Variants in CARMIL1 observed in about 807,000 individuals in gnomAD.
The protein encoded by CARMIL1 is F-actin-uncapping protein LRRC16A.
In CARMIL1, 90 loss-of-function variants were observed where a neutral mutation model predicts 177.1. The ratio of observed to expected loss-of-function variants is 0.51; its 90% CI spans 0.43 to 0.61. The LOEUF (loss-of-function observed/expected upper bound fraction) is 0.61, where lower values mean the gene tolerates loss of function less well. Among genes scored for constraint, CARMIL1 ranks in the 20% least tolerant of loss-of-function variants. CARMIL1 has a pLI of 0.00. For missense variants in CARMIL1, 1,380 were observed against 1,667.0 expected, an observed-to-expected ratio of 0.83 and a Z score of 3.00; for synonymous variants, 577 against 606.2, an observed-to-expected ratio of 0.95 and a Z score of 0.71.
intron 17 of CARMIL1, among the ~76,000 whole-genome samples, chr6:25,501,360 G>A (rs1046414136): frequency 1.3e-5 from 2 of 152,080 alleles, no homozygotes; most frequent in African/African-American, 4.8e-5. Flanking sequence ...TCTCCTGCAT[G>A]CGTGCATCAG....
chr6:25,409,756 T>G (rs1794744483), intron 2 of CARMIL1, among the ~76,000 whole-genome samples: 1 of 152,206 alleles, frequency 6.6e-6, no homozygotes, highest in Admixed American at 6.5e-5. Context: ...ACCATGTATA[T>G]ACTGACATCA....
intron 26 of CARMIL1, among the ~76,000 whole-genome samples, chr6:25,542,041 A>G (rs915347272): frequency 6.6e-6 from 1 of 152,192 alleles, no homozygotes; most frequent in Non-Finnish European, 1.5e-5. Context: ...TCTTCTGTAA[A>G]TTGTGTATTC....
At chr6:25,306,903 A>T (rs1783318792) in intron 2 of CARMIL1, among the ~76,000 whole-genome samples, 1 of 113,716 alleles carries the variant, frequency 8.8e-6, no homozygotes. Flanking sequence ...TTTTTTGACG[A>T]GTCTCATTCT....
At chr6:25,576,829 T>G (rs1812629055) in intron 29 of CARMIL1, 1 of 215,424 alleles carries the variant, frequency 4.6e-6, no homozygotes, top group Non-Finnish European at 7.9e-6. Flanking sequence ...CCTGCCTTAT[T>G]CCTTTGCTAT....
chr6:25,506,744 A>T (rs431039), intron 17 of CARMIL1, among the ~76,000 whole-genome samples: 66,188 of 151,680 alleles, frequency 0.44, 14,802 homozygotes, highest in Middle Eastern at 0.52. Context: ...AAATTAATTT[A>T]AAAAAAATTA....
At chr6:25,423,466 A>G (rs1344906818) in intron 3 of CARMIL1, among the ~76,000 whole-genome samples, 2 of 152,306 alleles carry the variant, frequency 1.3e-5, no homozygotes, top group East Asian at 1.9e-4. Context: ...AGGGTTTTAT[A>G]CTGGCCAAAA....
intron 23 of CARMIL1, among the ~76,000 whole-genome samples, chr6:25,527,114 A>G (rs1227633803): frequency 6.6e-6 from 1 of 152,192 alleles, no homozygotes; most frequent in Non-Finnish European, 1.5e-5. Flanking sequence ...GCTCTAGGTT[A>G]TCTCCCAGCT....
chr6:25,586,199 G>C lies in CARMIL1; in HGVS notation c.3006+4760G>C, dbSNP rs12207674. ...CAGAGACGCTCCTCACTTCCCGGAC[G>C]GGGTGGCTGCCGGGCGGAGGGGCTC... On this transcript the variant is annotated intron_variant, in intron 31 of 36. Coordinates refer to ENST00000329474, the MANE Select transcript of CARMIL1 (RefSeq NM_017640.6). Among the ~76,000 whole-genome samples, 472 of 149,844 alleles carry C rather than the reference G, an allele frequency of 3.1e-3. 2 individuals carry two copies. The highest frequency in any genetic ancestry group is 5.3e-3 in the Non-Finnish European group (359 of 67,508).
intron 25 of CARMIL1, among the ~76,000 whole-genome samples, chr6:25,539,006 C>T (rs1264218573): frequency 1.3e-5 from 2 of 151,972 alleles, no homozygotes; most frequent in African/African-American, 2.4e-5. Context: ...TGTATACCTG[C>T]AGAACTCCCC....
At chr6:25,457,118 C>T (rs1022261844) in intron 8 of CARMIL1, among the ~76,000 whole-genome samples, 1 of 152,076 alleles carries the variant, frequency 6.6e-6, no homozygotes, top group African/African-American at 2.4e-5. Flanking sequence ...GAATGGTCCT[C>T]AACCTGGGTG....
At chr6:25,435,710 G>A (rs1313760961) in intron 5 of CARMIL1, 106 bp downstream of exon 5, 1 of 1,274,638 alleles carries the variant, frequency 7.8e-7, no homozygotes. Context: ...TCCTCTCTCA[G>A]ACTTCCTTCT....
chr6:25,314,311 A>C (rs567542381), intron 2 of CARMIL1, among the ~76,000 whole-genome samples: 1 of 143,334 alleles, frequency 7.0e-6, no homozygotes, highest in African/African-American at 2.6e-5. Context: ...TGTCTCTACT[A>C]AAAATACAAA....
At chr6:25,416,030 T>C (rs1795330090) in intron 2 of CARMIL1, among the ~76,000 whole-genome samples, 1 of 151,746 alleles carries the variant, frequency 6.6e-6, no homozygotes. Context: ...GACTGAGAGG[T>C]ACATACGTAG....
intron 31 of CARMIL1, among the ~76,000 whole-genome samples, chr6:25,586,320 T>A (rs1421758101): frequency 7.8e-6 from 1 of 127,864 alleles, no homozygotes; most frequent in South Asian, 2.5e-4. Context: ...CCAGACGGGG[T>A]CGCGGCCGGG....
intron 23 of CARMIL1, among the ~76,000 whole-genome samples, chr6:25,526,300 G>A (rs943076277): frequency 6.6e-6 from 1 of 151,422 alleles, no homozygotes. Flanking sequence ...CCGAGATTGC[G>A]CCACTGCCCT....
rs377548646 is a variant in CARMIL1 at position 25,387,114 on chromosome 6, C to CAAAAAAAAAAAAAAAAA, written c.139-32997_139-32981dup. Among the ~76,000 whole-genome samples the CAAAAAAAAAAAAAAAAA allele has an allele frequency of 1.8e-3, 179 of 101,898 alleles. 3 individuals are homozygous for CAAAAAAAAAAAAAAAAA. Among genetic ancestry groups the CAAAAAAAAAAAAAAAAA allele is most frequent in the East Asian group, 1.0e-2 (31 of 3,104 alleles). The allele number at this position is 101,898 out of a possible 152,430, so 66.8% of individuals were successfully genotyped here. A position where few individuals can be genotyped will look rare whatever the true frequency, so the allele number is the denominator to read the frequency against. ...GGGTGACAGAGTGAGACTCTGTCTC[C>CAAAAAAAAAAAAAAAAA]AAAAAAAAAAAAAAAAAAATCACAA... On this transcript the variant is annotated intron_variant, in intron 2 of 36. Coordinates refer to ENST00000329474, the MANE Select transcript of CARMIL1 (RefSeq NM_017640.6).
intron 2 of CARMIL1, among the ~76,000 whole-genome samples, chr6:25,341,023 G>A (rs1472068288): frequency 6.6e-6 from 1 of 152,092 alleles, no homozygotes; most frequent in Non-Finnish European, 1.5e-5. Flanking sequence ...TCACAATCAG[G>A]AGGGACTGGC....
intron 17 of CARMIL1, among the ~76,000 whole-genome samples, chr6:25,506,273 A>C (rs1804901734): frequency 6.6e-6 from 1 of 152,224 alleles, no homozygotes. Flanking sequence ...TTGCCTGGGC[A>C]TGATGGCTCA....
At chr6:25,609,465 C>CA (rs11399080) in intron 35 of CARMIL1, among the ~76,000 whole-genome samples, 60,977 of 136,834 alleles carry the variant, frequency 0.45, 13,510 homozygotes, top group African/African-American at 0.56. Flanking sequence ...GACTCCATCT[C>CA]AAAAAAAAAA....
Sources: gnomAD v4.1 joint callset for allele counts (sites outside exome capture counted in the v4.1 genomes callset) on GRCh38, gnomAD v4.1.1 for gene constraint, MANE v1.5 for transcripts, NCBI Gene and HGNC (gene_info 2026-07-23, HGNC 2026-07-21) for gene names.